TMC5: variants seen among roughly 807,000 people sequenced by gnomAD.
TMC5 encodes the protein transmembrane channel-like protein 5.
In TMC5, 86 loss-of-function variants were observed where a neutral mutation model predicts 110.5. The observed-to-expected ratio is 0.78, with a 90% CI of 0.65 to 0.93. The LOEUF is 0.93. TMC5 is among the 40% of genes least tolerant of loss of function. The pLI is 0.00. For synonymous variants in TMC5, 455 were observed against 439.5 expected (o/e 1.04, Z -0.44); for missense variants, 1,144 against 1,222.8 (o/e 0.94, Z 0.96).
intron 4 of TMC5, 112 bp from the exon 5 acceptor site, chr16:19,449,430 C>T (rs1248639500): frequency 2.3e-6 from 2 of 870,586 alleles, no homozygotes; most frequent in East Asian, 2.4e-5. Context: ...AAGACCAGGT[C>T]TCAGTCTTAT....
chr16:19,439,930 C>T, intron 2 of TMC5, 30 bp from the exon 3 acceptor site: 2 of 971,530 alleles, frequency 2.1e-6, no homozygotes, highest in Non-Finnish European at 3.1e-6. Context: ...GGAAAAAAAT[C>T]TGACTTTTTC....
intron 17 of TMC5, among the ~76,000 whole-genome samples, chr16:19,488,102 C>CGGTTGCG (rs1968797963): frequency 6.6e-6 from 1 of 151,748 alleles, no homozygotes; most frequent in South Asian, 2.1e-4. Context: ...ATAAAGGGGG[C>CGGTTGCG]GGTTGCGGGT....
At chr16:19,496,751 G>A (rs1036858596) in intron 20 of TMC5, among the ~76,000 whole-genome samples, 3 of 151,708 alleles carry the variant, frequency 2.0e-5, no homozygotes, top group Non-Finnish European at 2.9e-5. Flanking sequence ...TTAGCTGGGC[G>A]TGGTGGCAGG....
At chr16:19,455,407 A>T (rs6497374) in intron 5 of TMC5, among the ~76,000 whole-genome samples, 1 of 151,930 alleles carries the variant, frequency 6.6e-6, no homozygotes, top group Non-Finnish European at 1.5e-5. Flanking sequence ...GGCAACAGAG[A>T]GAGACTCTGT....
intron 5 of TMC5, among the ~76,000 whole-genome samples, chr16:19,456,214 A>T (rs7201703): frequency 0.66 from 94,576 of 142,732 alleles, 31,107 homozygotes; most frequent in South Asian, 0.75. Flanking sequence ...CTCAAAAAAA[A>T]AAATATATAT....
At position 19,427,753 on chromosome 16, in the gene TMC5, T is replaced by G. The variant is rs140228761; in HGVS notation, c.-307-2660T>G. On this transcript the variant is annotated intron_variant, in intron 1 of 21. Transcript: ENST00000542583. ...GCCAATGTCACACCCCCTGCTACAG[T>G]TGTGACAAACCAAAATGTCTCCACA... 6.4e-4 allele frequency among the ~76,000 whole-genome samples: 97 copies of G among 151,962 alleles called. No individual in the cohort carries two copies. The East Asian group carries it at 0.018, about 28-fold the overall frequency.
At chr16:19,478,327 T>C (rs1416309017) in intron 13 of TMC5, among the ~76,000 whole-genome samples, 1 of 152,230 alleles carries the variant, frequency 6.6e-6, no homozygotes, top group Non-Finnish European at 1.5e-5. Flanking sequence ...AATAGCTCTG[T>C]TGTGTCTATA....
At chr16:19,412,159 C>T (rs1212715158) in intron 1 of TMC5, among the ~76,000 whole-genome samples, 2 of 150,118 alleles carry the variant, frequency 1.3e-5, no homozygotes, top group African/African-American at 2.5e-5. Flanking sequence ...CAGCTTCAAC[C>T]TCCCAGGCTC....
chr16:19,479,628 G>A (rs376402245), intron 14 of TMC5, 100 bp downstream of exon 14: 13 of 830,216 alleles, frequency 1.6e-5, no homozygotes, highest in African/African-American at 6.8e-5. Context: ...TACTCAAAGC[G>A]TGCGTTGTTC....
intron 15 of TMC5, among the ~76,000 whole-genome samples, chr16:19,484,248 A>G (rs1968685057): frequency 1.3e-5 from 2 of 152,112 alleles, no homozygotes; most frequent in Admixed American, 6.5e-5. Context: ...AAATAACTCA[A>G]AGTTAATGAG....
chr16:19,454,841 T>C (rs1597184473), intron 5 of TMC5, among the ~76,000 whole-genome samples: 1 of 152,212 alleles, frequency 6.6e-6, no homozygotes, highest in African/African-American at 2.4e-5. Flanking sequence ...ATTTTTCTCA[T>C]GTACTGAGAA....
chr16:19,486,869 C>T, intron 15 of TMC5, 76 bp from the exon 16 acceptor site: 1 of 1,325,844 alleles, frequency 7.5e-7, no homozygotes, highest in Non-Finnish European at 1.1e-6. Flanking sequence ...CTTTCTCTTC[C>T]CCCCAACCAT....
intron 1 of TMC5, among the ~76,000 whole-genome samples, chr16:19,419,408 T>TTTG (rs1567294464): frequency 2.4e-5 from 3 of 125,998 alleles, no homozygotes; most frequent in African/African-American, 9.0e-5. Context: ...GTTGGTTTTT[T>TTTG]TTTTTTTTTT....
intron 9 of TMC5, among the ~76,000 whole-genome samples, 164 bp downstream of exon 9, chr16:19,466,397 G>A (rs1968190766): frequency 6.6e-6 from 1 of 152,030 alleles, no homozygotes; most frequent in Non-Finnish European, 1.5e-5. Flanking sequence ...TGTCACCCAT[G>A]CTGGAGTACA....
chr16:19,454,234 C>T (rs946167577), intron 5 of TMC5, among the ~76,000 whole-genome samples: 3 of 152,062 alleles, frequency 2.0e-5, no homozygotes, highest in Non-Finnish European at 4.4e-5. Flanking sequence ...TTTCAGTAGA[C>T]AGAGTTTCAC....
At chr16:19,438,449 GAA>G (rs970434228) in intron 2 of TMC5, among the ~76,000 whole-genome samples, 2 of 145,604 alleles carry the variant, frequency 1.4e-5, no homozygotes, top group Non-Finnish European at 3.0e-5. Context: ...AAGAAAGAAA[GAA>G]AGAAAGAAAA....
At chr16:19,437,180 ATAAAAT>A (rs1967368086) in intron 2 of TMC5, among the ~76,000 whole-genome samples, 1 of 152,210 alleles carries the variant, frequency 6.6e-6, no homozygotes, top group Non-Finnish European at 1.5e-5. Context: ...GTCTCAAAAA[ATAAAAT>A]AAAGTAAAAT....
chr16:19,473,748 G>A (rs1018550731), intron 11 of TMC5, among the ~76,000 whole-genome samples: 2 of 152,146 alleles, frequency 1.3e-5, no homozygotes, highest in Admixed American at 1.3e-4. Flanking sequence ...GGGAGGCCGA[G>A]GTGGATGGAT....
intron 2 of TMC5, among the ~76,000 whole-genome samples, chr16:19,436,402 T>A (rs904110479): frequency 6.6e-6 from 1 of 152,208 alleles, no homozygotes; most frequent in Non-Finnish European, 1.5e-5. Flanking sequence ...TTGAATTTAC[T>A]AGGCATCGTT....
Sources: gnomAD v4.1 joint callset for allele counts (sites outside exome capture counted in the v4.1 genomes callset) on GRCh38, gnomAD v4.1.1 for gene constraint, MANE v1.5 for transcripts, NCBI Gene and HGNC (gene_info 2026-07-23, HGNC 2026-07-21) for gene names.